Variants in TACC2 observed in about 807,000 individuals in gnomAD.
TACC2 encodes transforming acidic coiled-coil-containing protein 2.
In TACC2, 137 loss-of-function variants were observed where a neutral mutation model predicts 227.3. That is an observed-to-expected ratio of 0.60 (90% CI 0.52 to 0.69). TACC2 has a LOEUF of 0.69. Ranked by LOEUF, TACC2 falls within the 30% of genes least tolerant of loss-of-function variation. The pLI, the probability that TACC2 is intolerant of heterozygous loss-of-function variation, is 0.00. For synonymous variants in TACC2, 1,523 were observed against 1,487.5 expected (o/e 1.02, Z -0.55); for missense variants, 3,470 against 3,694.4 (o/e 0.94, Z 1.57).
rs971248918 is a variant in TACC2 at position 122,150,898 on chromosome 10, C to T, written c.5834+7192C>T. On this transcript the variant is annotated intron_variant, in intron 7 of 22. Transcript: ENST00000369005. The surrounding 1 kb of genome is among the most constrained non-coding windows in gnomAD (Gnocchi z 4.0). The stretch of plus-strand genomic sequence containing the variant: ...GGTTGATTCTATGCCACGGACTATT[C>T]GGAAGGTGGCGCAGGGGAAGGAGCA... Among the ~76,000 whole-genome samples the T allele has an allele frequency of 3.3e-5, 5 of 152,146 alleles. No individual in the cohort carries two copies. The highest frequency in any genetic ancestry group is 4.8e-5 in the African/African-American group (2 of 41,434).
intron 9 of TACC2, among the ~76,000 whole-genome samples, chr10:122,214,720 C>T (rs541841741): frequency 2.6e-4 from 39 of 152,214 alleles, no homozygotes; most frequent in Middle Eastern, 3.4e-3. Flanking sequence ...CTCTCAGCCC[C>T]GCTATTCATA....
At chr10:122,217,024 C>T in intron 11 of TACC2, 196 bp downstream of exon 11, 4 of 1,179,204 alleles carry the variant, frequency 3.4e-6, no homozygotes, top group Non-Finnish European at 4.7e-6. Context: ...GCAGCTGTCC[C>T]TTGACCCAAG....
At chr10:122,242,366 G>A (rs2141746448) in intron 19 of TACC2, among the ~76,000 whole-genome samples, 1 of 152,274 alleles carries the variant, frequency 6.6e-6, no homozygotes, top group African/African-American at 2.4e-5. Context: ...CAAATCCCTA[G>A]ACCCTAACTT....
intron 7 of TACC2, among the ~76,000 whole-genome samples, chr10:122,167,754 A>C (rs1015267012): frequency 2.6e-5 from 4 of 152,232 alleles, no homozygotes; most frequent in Non-Finnish European, 4.4e-5. Context: ...AGAAGACGTA[A>C]GTGCCAGAAA....
chr10:122,027,438 G>T (rs1958179290), intron 2 of TACC2, among the ~76,000 whole-genome samples: 1 of 151,904 alleles, frequency 6.6e-6, no homozygotes, highest in Non-Finnish European at 1.5e-5. Flanking sequence ...TTGTGTCTGT[G>T]TATTTTTTTT....
Position 122,143,612 on chromosome 10 carries a change from G to T in TACC2, c.5740G>T (p.Ala1914Ser). Residue 1914 changes from alanine to serine, a missense_variant, in exon 7 of 23, where the codon GCT becomes TCT. Ala to Ser is a moderately conservative substitution (Grantham distance 99). Coordinates refer to ENST00000369005, the MANE Select transcript of TACC2 (RefSeq NM_206862.4). ...TGCCCATGCGGGTCTTCCTCCCTCGGCTGCAGAACACATAGTTTCGCCATC... is the reference window on the plus strand; with the variant it reads ...TGCCCATGCGGGTCTTCCTCCCTCGTCTGCAGAACACATAGTTTCGCCATC... ...AAAHAGLPPS[A>S]AEHIVSPSAP... The T allele has an allele frequency of 2.5e-6, 4 of 1,614,078 alleles. No individual in the cohort carries two copies. The highest frequency in any genetic ancestry group is 2.2e-5 in the East Asian group (1 of 44,870).
At chr10:122,021,245 G>C (rs1217770241) in intron 1 of TACC2, among the ~76,000 whole-genome samples, 1 of 150,614 alleles carries the variant, frequency 6.6e-6, no homozygotes, top group African/African-American at 2.4e-5. Context: ...AAAAAGGCGG[G>C]GGGGAAGAAA....
chr10:122,082,515 G>C, intron 3 of TACC2, 132 bp from the exon 4 acceptor site: 1 of 942,984 alleles, frequency 1.1e-6, no homozygotes, highest in Middle Eastern at 3.2e-4. Context: ...GGAATGAGCT[G>C]CATGAGGATG....
chr10:122,076,096 A>G (rs906710610), intron 3 of TACC2, among the ~76,000 whole-genome samples: 3 of 152,038 alleles, frequency 2.0e-5, no homozygotes, highest in Non-Finnish European at 4.4e-5. Context: ...CACTGCACCT[A>G]GCATTGATTT....
At chr10:122,224,149 A>G (rs1387936281) in intron 11 of TACC2, among the ~76,000 whole-genome samples, 1 of 152,192 alleles carries the variant, frequency 6.6e-6, no homozygotes, top group Admixed American at 6.5e-5. Flanking sequence ...GAGTTTGAAA[A>G]TAGATTTGGA....
intron 1 of TACC2, among the ~76,000 whole-genome samples, chr10:122,020,865 G>A (rs774960437): frequency 1.3e-5 from 2 of 152,140 alleles, no homozygotes; most frequent in Non-Finnish European, 2.9e-5. Context: ...GCGTCTTATG[G>A]AATTCAGTTG....
intron 1 of TACC2, among the ~76,000 whole-genome samples, chr10:122,018,286 T>C (rs566737938): frequency 7.7e-4 from 118 of 152,334 alleles, no homozygotes; most frequent in African/African-American, 2.7e-3. Flanking sequence ...TCCATGTCCC[T>C]GCAAAAGACA....
chr10:122,085,958 C>T lies in TACC2; in HGVS notation c.3458C>T (p.Ala1153Val). The T allele has an allele frequency of 6.2e-7, 1 of 1,613,702 alleles. No homozygotes were observed. Among genetic ancestry groups the T allele is most frequent in the African/African-American group, 1.3e-5 (1 of 75,034 alleles). ...KQQAPEKPGE[A>V]TLSCGLLQTE... The stretch of plus-strand genomic sequence containing the variant: ...CAGGCTCCGGAGAAACCTGGAGAAG[C>T]TACTTTGAGTTGTGGCCTCCTTCAG... Residue 1153 changes from alanine to valine, a missense_variant, in exon 4 of 23, where the codon GCT (alanine) becomes GTT (valine). Physicochemically the swap from Ala to Val is moderately conservative, Grantham distance 64 (BLOSUM62 0). Transcript: ENST00000369005.
intron 5 of TACC2, among the ~76,000 whole-genome samples, chr10:122,100,751 TC>T (rs1366861488): frequency 1.3e-5 from 2 of 152,138 alleles, no homozygotes; most frequent in African/African-American, 4.8e-5. Context: ...TAACCCCTTT[TC>T]CTTTGGTATA....
intron 2 of TACC2, among the ~76,000 whole-genome samples, chr10:122,031,553 C>T (rs1298213533): frequency 7.0e-6 from 1 of 142,116 alleles, no homozygotes; most frequent in African/African-American, 2.6e-5. Flanking sequence ...TATAGGCGCC[C>T]ACCACTGCGC....
chr10:122,143,768 GC>G (rs2139250245), intron 7 of TACC2, 62 bp downstream of exon 7: 6 of 1,572,772 alleles, frequency 3.8e-6, no homozygotes, highest in Non-Finnish European at 5.2e-6. Flanking sequence ...GGTGGTCTCT[GC>G]CCCCTAGGTC....
intron 7 of TACC2, among the ~76,000 whole-genome samples, chr10:122,183,833 AG>A (rs2094069923): frequency 6.6e-6 from 1 of 152,030 alleles, no homozygotes; most frequent in Non-Finnish European, 1.5e-5. Flanking sequence ...CTTGCCCCTG[AG>A]TGGTTCTGAG....
intron 7 of TACC2, among the ~76,000 whole-genome samples, chr10:122,176,624 T>C (rs1333799182): frequency 6.6e-6 from 1 of 152,196 alleles, no homozygotes; most frequent in Non-Finnish European, 1.5e-5. Flanking sequence ...TAGATAACCA[T>C]GCAGATTCAA....
chr10:122,167,936 A>G (rs549498163), intron 7 of TACC2, among the ~76,000 whole-genome samples: 1 of 151,566 alleles, frequency 6.6e-6, no homozygotes, highest in African/African-American at 2.4e-5. Flanking sequence ...GCGCAGGCTC[A>G]TATGTAACAG....
Sources: gnomAD v4.1 joint callset for allele counts (sites outside exome capture counted in the v4.1 genomes callset) on GRCh38, gnomAD v4.1.1 for gene constraint, Gnocchi (gnomAD v3.1) non-coding constraint, MANE v1.5 for transcripts, NCBI Gene and HGNC (gene_info 2026-07-23, HGNC 2026-07-21) for gene names.